The following INTS6 variants were observed in gnomAD, a reference collection of about 807,000 sequenced individuals.
The protein encoded by INTS6 is DEAD box protein.
Under a neutral mutation model 104.9 loss-of-function variants are expected in INTS6, and 16 were observed. That is an observed-to-expected ratio of 0.15 (90% CI 0.10 to 0.23). The LOEUF (loss-of-function observed/expected upper bound fraction) is 0.23, where lower values mean the gene tolerates loss of function less well. Among genes scored for constraint, INTS6 ranks in the 10% least tolerant of loss-of-function variants. The pLI is 1.00. For missense variants in INTS6, 584 were observed against 1,062.8 expected (o/e 0.55, Z 6.26); for synonymous variants, 324 against 358.7 (o/e 0.90, Z 1.09).
At chr13:51,432,658 T>A (rs536062810) in intron 3 of INTS6, among the ~76,000 whole-genome samples, 2 of 152,258 alleles carry the variant, frequency 1.3e-5, no homozygotes, top group Admixed American at 1.3e-4. Context: ...TTACTCAAAC[T>A]TCAAAAAGAT....
intron 4 of INTS6, among the ~76,000 whole-genome samples, chr13:51,419,355 C>G (rs1016048389): frequency 6.6e-6 from 1 of 152,152 alleles, no homozygotes; most frequent in Non-Finnish European, 1.5e-5. Context: ...AAGACAAAGT[C>G]GAAACTCCTT....
chr13:51,343,679 G>C, the INTS6 span, among the ~76,000 whole-genome samples: 2 of 152,110 alleles, frequency 1.3e-5, no homozygotes, highest in African/African-American at 2.4e-5. Context: ...CTTTTCCTCT[G>C]TATTTCTCAA....
Position 51,373,644 on chromosome 13 carries a change from C to T in INTS6, c.2104+564G>A, listed in dbSNP as rs138656105. 4.3e-3 allele frequency among the ~76,000 whole-genome samples: 649 copies of T among 152,320 alleles called. 8 individuals are homozygous for T. Among genetic ancestry groups the T allele is most frequent in the Middle Eastern group, 6.8e-3 (2 of 294 alleles). On this transcript the variant is annotated intron_variant, in intron 15 of 17. Coordinates refer to ENST00000311234, the MANE Select transcript of INTS6 (RefSeq NM_012141.3). ...ATACTATTGCTCCAGCATAAGCAAA[C>T]GGCACAGCTTTTGGCTTAAGCATTA...
chr13:51,384,921 C>T (rs1273548286), intron 7 of INTS6: 4 of 332,860 alleles, frequency 1.2e-5, no homozygotes, highest in Non-Finnish European at 2.4e-5. Flanking sequence ...TAATCAGTCC[C>T]TGTCTGATCA....
At chr13:51,381,473 A>T (rs1198010593) in intron 10 of INTS6, among the ~76,000 whole-genome samples, 1 of 152,176 alleles carries the variant, frequency 6.6e-6, no homozygotes, top group Non-Finnish European at 1.5e-5. Flanking sequence ...GTATAAATTA[A>T]TGATGTTGCT....
At chr13:51,388,111 T>C (rs1956172422) in intron 6 of INTS6, among the ~76,000 whole-genome samples, 1 of 152,200 alleles carries the variant, frequency 6.6e-6, no homozygotes, top group African/African-American at 2.4e-5. Context: ...AAACATTTAC[T>C]AGTAACAAAC....
the INTS6 span, chr13:51,340,974 C>A: frequency 5.9e-6 from 7 of 1,190,182 alleles, no homozygotes; most frequent in African/African-American, 1.5e-5. Context: ...CCGTCCCTAG[C>A]CCCTAAAAAC....
intron 4 of INTS6, among the ~76,000 whole-genome samples, chr13:51,428,084 G>A (rs1039446107): frequency 6.6e-6 from 1 of 152,042 alleles, no homozygotes; most frequent in Non-Finnish European, 1.5e-5. Flanking sequence ...GTACCCCAAA[G>A]GGCATTTCTA....
intron 5 of INTS6, among the ~76,000 whole-genome samples, chr13:51,391,639 C>A (rs184853733): frequency 6.6e-5 from 10 of 152,210 alleles, no homozygotes; most frequent in Admixed American, 3.3e-4. Context: ...TTAGCACACA[C>A]CTTCAAGTCA....
chr13:51,408,809 T>C (rs1368104750), intron 4 of INTS6, among the ~76,000 whole-genome samples: 1 of 152,320 alleles, frequency 6.6e-6, no homozygotes, highest in East Asian at 1.9e-4. Flanking sequence ...TTCAATGAGT[T>C]ACCTTGCTTT....
chr13:51,369,294 A>T lies in INTS6; in HGVS notation c.2121T>A (p.Asn707Lys). Reference protein sequence around the residue: ...LPLHKISETTNDSIIHDVVEN... With the variant: ...LPLHKISETTKDSIIHDVVEN... ...CAACCACATCATGTATTATCGAATC[A>T]TTAGTGGTTTCTGAAACTAAAAACA... is the stretch of plus-strand genomic sequence containing the variant. Residue 707 changes from asparagine (N) to lysine (K), a missense_variant, in exon 16 of 18, where the codon AAT becomes AAA. By Grantham distance (94) the Asn-to-Lys change is moderately conservative. Around this residue, in one of 5 missense-constraint regions of INTS6, gnomAD observed 296 missense variants for 437.0 expected, o/e 0.68. Transcript: ENST00000311234. The T allele has an allele frequency of 6.2e-7, 1 of 1,601,214 alleles. No individual in the cohort carries two copies. The highest frequency in any genetic ancestry group is 8.5e-7 in the Non-Finnish European group (1 of 1,171,376).
At chr13:51,388,257 G>GC (rs1235780106) in intron 6 of INTS6, among the ~76,000 whole-genome samples, 1 of 151,884 alleles carries the variant, frequency 6.6e-6, no homozygotes, top group Admixed American at 6.6e-5. Context: ...CCCTCTCAGT[G>GC]CCCCCATTCT....
At chr13:51,387,990 C>T (rs1358014371) in intron 6 of INTS6, among the ~76,000 whole-genome samples, 2 of 152,150 alleles carry the variant, frequency 1.3e-5, no homozygotes, top group Non-Finnish European at 2.9e-5. Context: ...TCTTAGAAAT[C>T]ATTTTAACCG....
chr13:51,389,822 T>C (rs1444372549), intron 5 of INTS6, among the ~76,000 whole-genome samples: 2 of 152,164 alleles, frequency 1.3e-5, no homozygotes, highest in Admixed American at 6.5e-5. Flanking sequence ...TTAACACATA[T>C]ACACACACAC....
Position 51,379,577 on chromosome 13 carries a change from AGG to A in INTS6, c.1276-7_1276-6del. 1 of 1,509,206 alleles carries A rather than the reference AGG, an allele frequency of 6.6e-7. No individual in the cohort carries two copies. Among genetic ancestry groups the A allele is most frequent in the Admixed American group, 1.9e-5 (1 of 53,980 alleles). 93.5% of individuals were successfully genotyped at this position (1,509,206 alleles called of 1,614,324 possible). On this transcript the variant is annotated splice_region_variant and splice_polypyrimidine_tract_variant and intron_variant, in intron 10 of 17. Transcript: ENST00000311234. ...CCTAACAGCTTTCTTCAAGGGCTAT[AGG>A]AAAAAAGAAAACATCATTCAATATT...
At chr13:51,347,073 G>A in the INTS6 span, 51 of 1,604,066 alleles carry the variant, frequency 3.2e-5, no homozygotes, top group Non-Finnish European at 4.1e-5. Context: ...GAGCAAGTCA[G>A]TGCAGCATTT....
chr13:51,369,141 G>A lies in INTS6; in HGVS notation c.2274C>T (p.Asp758=). 1.9e-6 allele frequency: 3 copies of A among 1,613,758 alleles called. No homozygotes were observed. The highest frequency in any genetic ancestry group is 2.5e-6 in the Non-Finnish European group (3 of 1,179,792). ...CAGTGAGGTCATTGGTTCCTAAATG[G>A]TCATGACCAAGAGCCTCCATATGAT... ...PTNHMEALGH[D]HLGTNDLTVG... is the part of the protein sequence containing the mutation. Residue 758 remains aspartate (D), a synonymous_variant, in exon 16 of 18, where the codon GAC becomes GAT. Transcript: ENST00000311234.
chr13:51,394,028 TA>T (rs796248495), intron 5 of INTS6, among the ~76,000 whole-genome samples: 1,979 of 141,002 alleles, frequency 0.014, 21 homozygotes, highest in African/African-American at 0.034. Context: ...CCCCAGAGTT[TA>T]AAAAAAAAAA....
downstream of INTS6, chr13:51,353,945 T>C (rs1378957970): frequency 3.3e-5 from 5 of 152,180 alleles, no homozygotes; most frequent in Non-Finnish European, 7.4e-5. Flanking sequence ...AATTTTTAAA[T>C]GCCTTGTCCC....
Sources: gnomAD v4.1 joint callset for allele counts (sites outside exome capture counted in the v4.1 genomes callset) on GRCh38, gnomAD v4.1.1 for gene constraint, gnomAD v4.1.1 regional missense constraint, MANE v1.5 for transcripts, NCBI Gene and HGNC (gene_info 2026-07-23, HGNC 2026-07-21) for gene names.